The following SNRK variants were observed in gnomAD, a reference collection of about 807,000 sequenced individuals.
The protein encoded by SNRK is SNF related kinase, also known as SNF-related serine/threonine-protein kinase.
Under a neutral mutation model 48.2 loss-of-function variants are expected in SNRK, and 3 were observed. The ratio of observed to expected loss-of-function variants is 0.06; its 90% CI spans 0.03 to 0.16. The LOEUF (loss-of-function observed/expected upper bound fraction) is 0.16, where lower values mean the gene tolerates loss of function less well. SNRK is among the 10% of genes least tolerant of loss of function. The pLI, the probability that SNRK is intolerant of heterozygous loss-of-function variation, is 1.00. For missense variants in SNRK, 627 were observed against 976.0 expected (o/e 0.64, Z 4.76); for synonymous variants, 376 against 366.1 (o/e 1.03, Z -0.31).
intron 3 of SNRK, among the ~76,000 whole-genome samples, chr3:43,327,361 G>T (rs1363607000): frequency 6.6e-6 from 1 of 152,204 alleles, no homozygotes; most frequent in African/African-American, 2.4e-5. Context: ...TCAGTGTCTT[G>T]TGACCGTAGT....
At chr3:43,301,812 G>T (rs992611175) in intron 2 of SNRK, among the ~76,000 whole-genome samples, 5 of 152,148 alleles carry the variant, frequency 3.3e-5, no homozygotes, top group African/African-American at 4.8e-5. Context: ...GCCTTAGGAG[G>T]TTGCTATATT....
chr3:43,329,915 A>G (rs73075057), intron 3 of SNRK, among the ~76,000 whole-genome samples: 2 of 152,332 alleles, frequency 1.3e-5, no homozygotes, highest in Non-Finnish European at 2.9e-5. Flanking sequence ...ATTATTCATT[A>G]TATTTTTAAA....
chr3:43,329,864 G>A (rs190482329), intron 3 of SNRK, among the ~76,000 whole-genome samples: 1 of 151,954 alleles, frequency 6.6e-6, no homozygotes, highest in Admixed American at 6.6e-5. Flanking sequence ...AGTTTTCTTC[G>A]GTCAAATAAG....
intron 2 of SNRK, among the ~76,000 whole-genome samples, chr3:43,300,765 C>T (rs1255500794): frequency 6.6e-6 from 1 of 152,200 alleles, no homozygotes; most frequent in Non-Finnish European, 1.5e-5. Flanking sequence ...GGATAATATA[C>T]ATATGGAAGA....
intron 3 of SNRK, among the ~76,000 whole-genome samples, chr3:43,304,491 T>G (rs1000053714): frequency 6.6e-6 from 1 of 152,338 alleles, no homozygotes; most frequent in Admixed American, 6.5e-5. Context: ...GCTCTTTCAC[T>G]TGTCAAGATT....
intron 1 of SNRK, among the ~76,000 whole-genome samples, chr3:43,296,415 C>CATATATATATATATATATATATATGT (rs371078181): frequency 7.9e-6 from 1 of 127,216 alleles, no homozygotes; most frequent in Non-Finnish European, 1.6e-5. Context: ...GATATACTGG[C>CATATATATATATATATATATATATGT]ATATATATAT....
In SNRK at chr3:43,333,312, T is replaced by C. The variant is rs1253063989; in HGVS notation, c.731+1002T>C. 4.0e-5 allele frequency: 5 copies of C among 124,814 alleles called. No homozygotes were observed. The South Asian group carries it at 1.0e-3, about 25-fold the overall frequency. The allele number at this position is 124,814 out of a possible 1,614,324, so 7.7% of individuals were successfully genotyped here. A position where few individuals can be genotyped will look rare whatever the true frequency, so the allele number is the denominator to read the frequency against. On this transcript the variant is annotated intron_variant, in intron 4 of 6. Transcript: ENST00000296088. ...AGGTGGAGCTTGCAGTGAGCCGAGA[T>C]CGCGCCACTGCATTCCAGCCTGGGC...
chr3:43,347,273 T>G lies in SNRK; in HGVS notation c.1080-66T>G. 6.9e-7 allele frequency: 1 copy of G among 1,452,408 alleles called. No individual in the cohort carries two copies. The highest frequency in any genetic ancestry group is 9.2e-7 in the Non-Finnish European group (1 of 1,088,526). 90.0% of individuals were successfully genotyped at this position (1,452,408 alleles called of 1,614,324 possible). A position where few individuals can be genotyped will look rare whatever the true frequency, so the allele number is the denominator to read the frequency against. On this transcript the variant is annotated intron_variant, in intron 6 of 6. Coordinates refer to ENST00000296088, the MANE Select transcript of SNRK (RefSeq NM_017719.5). The surrounding 1 kb of genome is among the most constrained non-coding windows in gnomAD (Gnocchi z 5.4). ...TTTTGTCCCAGTAAGTTCATTGTGA[T>G]GTACTTTACTATCATCTGCATAATG... is the stretch of plus-strand genomic sequence containing the variant.
intron 5 of SNRK, chr3:43,340,705 A>T: frequency 1.8e-6 from 1 of 565,916 alleles, no homozygotes; most frequent in Non-Finnish European, 3.1e-6. Context: ...GTGAACAAGT[A>T]AGCCATTGCT....
rs372554968 is a variant in SNRK, at chr3:43,345,540, C to T, written c.1080-1799C>T. On this transcript the variant is annotated intron_variant, in intron 6 of 6. Transcript: ENST00000296088. ...GGAGACTGATATCCAGTCTCCTAGC[C>T]GGGCTGGGTGTCTTCACAAGCAGTT... 4.9e-4 allele frequency among the ~76,000 whole-genome samples: 75 copies of T among 152,188 alleles called. 1 individual carries two copies. The South Asian group carries it at 7.3e-3, about 15-fold the overall frequency.
At chr3:43,314,605 G>C (rs1000917910) in intron 3 of SNRK, among the ~76,000 whole-genome samples, 3 of 152,024 alleles carry the variant, frequency 2.0e-5, no homozygotes, top group African/African-American at 7.2e-5. Flanking sequence ...TTTGGAAATG[G>C]GTGTCCACCA....
chr3:43,334,442 CA>C (rs2091171070), intron 4 of SNRK, among the ~76,000 whole-genome samples: 1 of 150,412 alleles, frequency 6.6e-6, no homozygotes, highest in Admixed American at 6.6e-5. Flanking sequence ...GTCTGGGTAA[CA>C]GAGTAAGACC....
Position 43,348,878 on chromosome 3 carries a change from T to G in SNRK, c.*321T>G. 1 of 205,372 alleles carries G rather than the reference T, an allele frequency of 4.9e-6. No individual in the cohort carries two copies. Among genetic ancestry groups the G allele is most frequent in the Non-Finnish European group, 9.5e-6 (1 of 105,638 alleles). 12.7% of individuals were successfully genotyped at this position (205,372 alleles called of 1,614,324 possible). Reference sequence around the variant, plus strand: ...GAAATTTGTTGTTCTGCACTTAACCTAGAGAGAGAAAAAATGCTTTTCTTT... The same window carrying G: ...GAAATTTGTTGTTCTGCACTTAACCGAGAGAGAGAAAAAATGCTTTTCTTT... On this transcript the variant is annotated 3_prime_UTR_variant, in exon 7 of 7. Coordinates refer to ENST00000296088, the MANE Select transcript of SNRK (RefSeq NM_017719.5).
chr3:43,310,132 G>A (rs1280285649), intron 3 of SNRK, among the ~76,000 whole-genome samples: 1 of 152,160 alleles, frequency 6.6e-6, no homozygotes, highest in Non-Finnish European at 1.5e-5. Flanking sequence ...GTGTATAGCT[G>A]TATTTCGTGT....
chr3:43,314,882 A>C (rs2091003391), intron 3 of SNRK: 3 of 152,162 alleles, frequency 2.0e-5, no homozygotes, highest in African/African-American at 7.2e-5. Context: ...CTCTTAAAAA[A>C]AAATTTTTAA....
Position 43,347,603 on chromosome 3 carries a change from TGAAGAG to T in SNRK, c.1350_1355del (p.Glu450_Glu451del). On this transcript the variant is annotated inframe_deletion, in exon 7 of 7. Coordinates refer to ENST00000296088, the MANE Select transcript of SNRK (RefSeq NM_017719.5). This position sits in a 1 kb window ranked among gnomAD's most constrained non-coding sequence, Gnocchi z 5.4. ...AGTGTCTGTTCAGGGTGGAAGAAGA[TGAAGAG>T]GAAGATGAGGAGGACAAGAAACCCA... 3.1e-6 allele frequency: 5 copies of T among 1,613,820 alleles called. No homozygotes were observed. The highest frequency in any genetic ancestry group is 4.2e-6 in the Non-Finnish European group (5 of 1,179,996).
At chr3:43,298,610 CCCAAGTGCATTTGAACTTTA>C (rs1437072989) in intron 1 of SNRK, among the ~76,000 whole-genome samples, 1 of 152,190 alleles carries the variant, frequency 6.6e-6, no homozygotes, top group Non-Finnish European at 1.5e-5. Flanking sequence ...CTCCTTTTCT[CCCAAGTGCATTTGAACTTTA>C]CCTGGACACC....
chr3:43,294,886 C>T (rs1483089350), intron 1 of SNRK, among the ~76,000 whole-genome samples: 2 of 152,076 alleles, frequency 1.3e-5, no homozygotes, highest in African/African-American at 4.8e-5. Context: ...TAAAATTCTC[C>T]ATAACTTAAT....
chr3:43,320,242 GA>G (rs1288036722), intron 3 of SNRK, among the ~76,000 whole-genome samples: 1 of 152,130 alleles, frequency 6.6e-6, no homozygotes, highest in African/African-American at 2.4e-5. Flanking sequence ...GTTTCCAAAG[GA>G]AACATCAAGT....
Sources: gnomAD v4.1 joint callset for allele counts (sites outside exome capture counted in the v4.1 genomes callset) on GRCh38, gnomAD v4.1.1 for gene constraint, Gnocchi (gnomAD v3.1) non-coding constraint, MANE v1.5 for transcripts, NCBI Gene and HGNC (gene_info 2026-07-23, HGNC 2026-07-21) for gene names.